KBTBD12: variants seen among roughly 807,000 people sequenced by gnomAD.
The protein encoded by KBTBD12 is kelch repeat and BTB domain containing 12, also known as kelch repeat and BTB domain-containing protein 12.
KBTBD12 carries 53 observed loss-of-function variants against 58.7 expected under a neutral mutation model. That is an observed-to-expected ratio of 0.90 (90% CI 0.72 to 1.14). The LOEUF is 1.14. Among genes scored for constraint, KBTBD12 ranks in the 50% most tolerant of loss-of-function variants. KBTBD12 has a pLI of 0.00. For missense variants in KBTBD12, 704 were observed against 751.3 expected, an observed-to-expected ratio of 0.94 and a Z score of 0.74; for synonymous variants, 236 against 259.8, an observed-to-expected ratio of 0.91 and a Z score of 0.88.
chr3:127,922,995 C>T lies in KBTBD12; in HGVS notation c.-67C>T. ...GTAGCTTCATGAGTAATCAGACATG[C>T]AAATAGCCCCTCAGGAATCAAGCTA... On this transcript the variant is annotated 5_prime_UTR_variant, in exon 2 of 6. An upstream open reading frame in the 5' UTR gains an earlier in-frame stop. Coordinates refer to ENST00000405109, the MANE Select transcript of KBTBD12 (RefSeq NM_207335.4). 1 of 875,684 alleles carries T rather than the reference C, an allele frequency of 1.1e-6. No homozygotes were observed. Among genetic ancestry groups the T allele is most frequent in the Non-Finnish European group, 1.8e-6 (1 of 550,568 alleles). The allele number at this position is 875,684 out of a possible 1,614,324, so 54.2% of individuals were successfully genotyped here.
At chr3:127,949,357 A>G (rs1432144633) in intron 4 of KBTBD12, among the ~76,000 whole-genome samples, 1 of 152,236 alleles carries the variant, frequency 6.6e-6, no homozygotes, top group Non-Finnish European at 1.5e-5. Flanking sequence ...CTGGAGAGCT[A>G]GACAAGAGCC....
At chr3:127,955,986 A>G (rs1430487234) in intron 4 of KBTBD12, among the ~76,000 whole-genome samples, 1 of 152,200 alleles carries the variant, frequency 6.6e-6, no homozygotes, top group African/African-American at 2.4e-5. Context: ...TTAGATATAC[A>G]TTTCATACAT....
chr3:127,961,032 T>C (rs1003141305), intron 4 of KBTBD12, among the ~76,000 whole-genome samples: 5 of 152,194 alleles, frequency 3.3e-5, no homozygotes, highest in Non-Finnish European at 7.3e-5. Flanking sequence ...CCAACTCCAG[T>C]GACTCGCATT....
chr3:127,967,626 G>C (rs1940601426), intron 5 of KBTBD12, among the ~76,000 whole-genome samples: 2 of 152,176 alleles, frequency 1.3e-5, no homozygotes, highest in African/African-American at 4.8e-5. Context: ...GAATCAGCCA[G>C]AGTGGAGAGA....
At chr3:127,933,615 G>A (rs1939759570) in intron 4 of KBTBD12, among the ~76,000 whole-genome samples, 1 of 152,112 alleles carries the variant, frequency 6.6e-6, no homozygotes, top group African/African-American at 2.4e-5. Context: ...AGTAGGTTGA[G>A]CACATGTAGA....
chr3:127,984,010 T>C (rs1940922142), intron 5 of KBTBD12, 87 bp from the exon 6 acceptor site: 1 of 1,017,168 alleles, frequency 9.8e-7, no homozygotes, highest in Non-Finnish European at 1.5e-6. Context: ...CATTGCCTTT[T>C]GGAGGAAGTT....
At position 127,951,476 on chromosome 3, in the gene KBTBD12, C is replaced by G. The variant is rs150664776; in HGVS notation, c.1493-11713C>G. Among the ~76,000 whole-genome samples the G allele has an allele frequency of 6.8e-3, 1,042 of 152,312 alleles. 3 individuals are homozygous for G. The highest frequency in any genetic ancestry group is 0.013 in the Admixed American group (203 of 15,300). ...AGGACTCAGTGGAGTGAGTCAGCCTCTGATTGGCTGCCTTCCACAGTGTGA... is the reference window on the plus strand; with the variant it reads ...AGGACTCAGTGGAGTGAGTCAGCCTGTGATTGGCTGCCTTCCACAGTGTGA... On this transcript the variant is annotated intron_variant, in intron 4 of 5. Coordinates refer to ENST00000405109, the MANE Select transcript of KBTBD12 (RefSeq NM_207335.4).
intron 4 of KBTBD12, among the ~76,000 whole-genome samples, chr3:127,956,182 G>A (rs755141590): frequency 3.3e-5 from 5 of 152,004 alleles, no homozygotes; most frequent in Non-Finnish European, 5.9e-5. Flanking sequence ...ATCATATGAG[G>A]GGTTTTAAAC....
At chr3:127,932,522 A>G (rs1253973815) in intron 4 of KBTBD12, among the ~76,000 whole-genome samples, 1 of 152,076 alleles carries the variant, frequency 6.6e-6, no homozygotes, top group Non-Finnish European at 1.5e-5. Flanking sequence ...TCTAATCCCT[A>G]TAATGGATTT....
At chr3:127,956,237 T>A (rs1940317903) in intron 4 of KBTBD12, among the ~76,000 whole-genome samples, 1 of 152,168 alleles carries the variant, frequency 6.6e-6, no homozygotes, top group Non-Finnish European at 1.5e-5. Flanking sequence ...AAATAAGTAC[T>A]CTAAAAGACC....
intron 3 of KBTBD12, among the ~76,000 whole-genome samples, chr3:127,928,773 A>C (rs1448094636): frequency 6.6e-6 from 1 of 152,244 alleles, no homozygotes; most frequent in Non-Finnish European, 1.5e-5. Flanking sequence ...TCATGGCATA[A>C]AGTAAATTTA....
Position 127,943,426 on chromosome 3 carries a change from A to C in KBTBD12, c.1492+13143A>C, listed in dbSNP as rs995186506. On this transcript the variant is annotated intron_variant, in intron 4 of 5. Coordinates refer to ENST00000405109, the MANE Select transcript of KBTBD12 (RefSeq NM_207335.4). ...ATTTGCATTTCCCTATTGATTAGTG[A>C]TGTTGAGTGCTTTTTTCATATACCT... 4.6e-5 allele frequency among the ~76,000 whole-genome samples: 7 copies of C among 151,798 alleles called. No individual in the cohort carries two copies. The East Asian group carries it at 1.4e-3, about 29-fold the overall frequency.
intron 4 of KBTBD12, 37 bp downstream of exon 4, chr3:127,930,320 T>C: frequency 6.3e-7 from 1 of 1,592,916 alleles, no homozygotes. Context: ...ATAACTACTT[T>C]TATTTTCCTC....
chr3:127,957,559 A>G (rs11927248), intron 4 of KBTBD12, among the ~76,000 whole-genome samples: 5,599 of 152,222 alleles, frequency 0.037, 324 homozygotes, highest in African/African-American at 0.12. Flanking sequence ...GACTTTTATA[A>G]TCAGCCAACT....
intron 4 of KBTBD12, among the ~76,000 whole-genome samples, chr3:127,948,248 C>T (rs935846569): frequency 5.3e-5 from 8 of 152,178 alleles, no homozygotes; most frequent in Admixed American, 1.3e-4. Flanking sequence ...AGACTTTTGT[C>T]CTGCTGTTCC....
intron 4 of KBTBD12, among the ~76,000 whole-genome samples, chr3:127,943,494 GA>G (rs982243130): frequency 2.7e-5 from 4 of 149,842 alleles, no homozygotes; most frequent in Non-Finnish European, 4.5e-5. Context: ...AATAGATTTT[GA>G]AAAAAAAATC....
At position 127,984,352 on chromosome 3, in the gene KBTBD12, T is replaced by G; in HGVS notation, c.*74T>G. 4 of 1,366,030 alleles carry G rather than the reference T, an allele frequency of 2.9e-6. No individual in the cohort carries two copies. Among genetic ancestry groups the G allele is most frequent in the Non-Finnish European group, 4.1e-6 (4 of 979,034 alleles). The allele number at this position is 1,366,030 out of a possible 1,614,324, so 84.6% of individuals were successfully genotyped here. A position where few individuals can be genotyped will look rare whatever the true frequency, so the allele number is the denominator to read the frequency against. On this transcript the variant is annotated 3_prime_UTR_variant, in exon 6 of 6. Transcript: ENST00000405109. ...GAACGGAGAGGGCCCACAGCATCTC[T>G]GTCATGCCAGTCATGTGCACTGCAT...
intron 1 of KBTBD12, among the ~76,000 whole-genome samples, chr3:127,916,797 C>A (rs554690789): frequency 1.3e-5 from 2 of 151,536 alleles, no homozygotes; most frequent in South Asian, 4.2e-4. Flanking sequence ...AGAATGGGGC[C>A]AAATCCCAGA....
chr3:127,958,224 A>C (rs1287007711), intron 4 of KBTBD12, among the ~76,000 whole-genome samples: 1 of 152,064 alleles, frequency 6.6e-6, no homozygotes, highest in Non-Finnish European at 1.5e-5. Flanking sequence ...GGAGGCACTG[A>C]GGAGGTACAG....
Sources: gnomAD v4.1 joint callset for allele counts (sites outside exome capture counted in the v4.1 genomes callset) on GRCh38, gnomAD v4.1.1 for gene constraint, MANE v1.5 for transcripts, NCBI Gene and HGNC (gene_info 2026-07-23, HGNC 2026-07-21) for gene names.